The following TASOR variants were observed in gnomAD, a reference collection of about 807,000 sequenced individuals.
TASOR encodes the protein transcription activation suppressor.
Under a neutral mutation model 178.6 loss-of-function variants are expected in TASOR, and 53 were observed. The observed-to-expected ratio is 0.30, with a 90% CI of 0.24 to 0.37. The LOEUF is 0.37. Ranked by LOEUF, TASOR falls within the 10% of genes least tolerant of loss-of-function variation. TASOR has a pLI of 1.00. For synonymous variants in TASOR, 713 were observed against 696.2 expected, an observed-to-expected ratio of 1.02 and a Z score of -0.38; for missense variants, 1,815 against 1,971.4, an observed-to-expected ratio of 0.92 and a Z score of 1.50.
At chr3:56,644,674 T>C (rs1578225427) in intron 14 of TASOR, among the ~76,000 whole-genome samples, 1 of 146,130 alleles carries the variant, frequency 6.8e-6, no homozygotes, top group East Asian at 2.1e-4. Context: ...AAGAACATGA[T>C]ACTGAAACGG....
At position 56,627,141 on chromosome 3, in the gene TASOR, G is replaced by A. The variant is rs2076816256; in HGVS notation, c.4035C>T (p.Asn1345=). The change falls in exon 21 of 24, where the codon AAC becomes AAT. Residue 1345 remains asparagine (N), a synonymous_variant. Coordinates refer to ENST00000683822, the MANE Select transcript of TASOR (RefSeq NM_001365635.2). ...ILNPEVVTVE[N]LKNFLTFLEE... is the part of the protein sequence containing the mutation. ...CAAGGAATGTCAAAAAATTTTTAAG[G>A]TTCTCTGTTAGAGATAATGAAGTTT... The A allele has an allele frequency of 6.3e-7, 1 of 1,586,586 alleles. No homozygotes were observed. The highest frequency in any genetic ancestry group is 2.2e-5 in the East Asian group (1 of 44,660).
chr3:56,631,580 TTTTG>T (rs1490503702), intron 18 of TASOR, among the ~76,000 whole-genome samples: 2 of 117,354 alleles, frequency 1.7e-5, no homozygotes, highest in South Asian at 5.4e-4. Context: ...GTCTGTGTTT[TTTTG>T]TTTTTTTTTT....
rs551861827 is a variant in TASOR, at chr3:56,670,801, G to A, written c.571-656C>T. Reference sequence around the variant, plus strand: ...AAACGCAAAAAAATTAGCCGGGTGCGGTGGCGTGTCCTGTAATCCCAGCTA... The same window carrying A: ...AAACGCAAAAAAATTAGCCGGGTGCAGTGGCGTGTCCTGTAATCCCAGCTA... On this transcript the variant is annotated intron_variant, in intron 3 of 23. Transcript: ENST00000683822. Among the ~76,000 whole-genome samples, 14 of 151,628 alleles carry A rather than the reference G, an allele frequency of 9.2e-5. No homozygotes were observed. In the East Asian group the frequency reaches 1.2e-3, roughly 13 times the overall value.
In TASOR at chr3:56,627,642, C is replaced by T. The variant is rs1199257326; in HGVS notation, c.3970G>A (p.Val1324Ile). 8.7e-6 allele frequency: 14 copies of T among 1,613,872 alleles called. No homozygotes were observed. The highest frequency in any genetic ancestry group is 1.1e-5 in the Non-Finnish European group (13 of 1,179,914). ...VKNHTYNELF[V>I]SGGFIVSDES... ...TCAGATACGATAAAACCTCCAGATA[C>T]AAATAATTCATTGTATGTATGATTT... The change falls in exon 20 of 24, where the codon GTA becomes ATA. Residue 1324 changes from valine (V) to isoleucine (I), a missense_variant. Physicochemically the swap from Val to Ile is conservative, Grantham distance 29 (BLOSUM62 3). Transcript: ENST00000683822.
At chr3:56,643,830 T>C (rs1457878024) in intron 14 of TASOR, among the ~76,000 whole-genome samples, 1 of 150,812 alleles carries the variant, frequency 6.6e-6, no homozygotes, top group Non-Finnish European at 1.5e-5. Context: ...GTATGCAAAA[T>C]TACTTAAAAA....
At chr3:56,643,005 T>TA (rs2077159064) in intron 14 of TASOR, among the ~76,000 whole-genome samples, 1 of 150,532 alleles carries the variant, frequency 6.6e-6, no homozygotes. Flanking sequence ...GGCTCACGCC[T>TA]GTAATCTCAG....
In TASOR at chr3:56,668,389, G is replaced by A; in HGVS notation, c.897+8C>T. ...GATCACAACATTACAACGGATCCTGGAACCTACCTGAGTAAGCTCATAGGC... is the reference window on the plus strand; with the variant it reads ...GATCACAACATTACAACGGATCCTGAAACCTACCTGAGTAAGCTCATAGGC... On this transcript the variant is annotated splice_region_variant and intron_variant, in intron 6 of 23. Transcript: ENST00000683822. 1.0e-5 allele frequency: 16 copies of A among 1,550,206 alleles called. No homozygotes were observed. Among genetic ancestry groups the A allele is most frequent in the African/African-American group, 1.4e-5 (1 of 73,058 alleles).
intron 1 of TASOR, among the ~76,000 whole-genome samples, 194 bp from the exon 2 acceptor site, chr3:56,673,919 C>G (rs959946645): frequency 3.3e-5 from 5 of 152,004 alleles, no homozygotes; most frequent in African/African-American, 1.2e-4. Flanking sequence ...CTACATACAC[C>G]AGTTCCTTCA....
intron 14 of TASOR, among the ~76,000 whole-genome samples, chr3:56,644,413 T>C (rs75292261): frequency 0.012 from 1,878 of 151,932 alleles, 46 homozygotes; most frequent in African/African-American, 0.042. Flanking sequence ...TTAAGGAGAA[T>C]AGACAGAAAG....
At chr3:56,666,204 C>T (rs1298491263) in intron 7 of TASOR, 56 bp downstream of exon 7, 20 of 1,381,574 alleles carry the variant, frequency 1.4e-5, no homozygotes, top group East Asian at 2.8e-5. Flanking sequence ...CTCAGTAGTA[C>T]AGGATCTGTA....
At chr3:56,627,543 CAG>C in intron 20 of TASOR, 37 bp downstream of exon 20, 1 of 1,604,940 alleles carries the variant, frequency 6.2e-7, no homozygotes, top group Non-Finnish European at 8.5e-7. Context: ...GTATGAGAGT[CAG>C]AAGAGGAGTT....
Position 56,683,089 on chromosome 3 carries a change from C to T in TASOR, c.-83G>A. ...GGAAGGGGCGGCGGGCCAGTCTCGCCGCCGAGCTGCTCTCAGCCCACCCAC... is the reference window on the plus strand; with the variant it reads ...GGAAGGGGCGGCGGGCCAGTCTCGCTGCCGAGCTGCTCTCAGCCCACCCAC... On this transcript the variant is annotated 5_prime_UTR_variant, in exon 1 of 24. Transcript: ENST00000683822. 2 of 1,388,230 alleles carry T rather than the reference C, an allele frequency of 1.4e-6. No homozygotes were observed. The highest frequency in any genetic ancestry group is 1.5e-5 in the South Asian group (1 of 67,618). 86.0% of individuals were successfully genotyped at this position (1,388,230 alleles called of 1,614,324 possible). A position where few individuals can be genotyped will look rare whatever the true frequency, so the allele number is the denominator to read the frequency against.
In TASOR at chr3:56,633,209, G is replaced by C. The variant is rs2076951852; in HGVS notation, c.3582C>G (p.Pro1194=). 6.2e-7 allele frequency: 1 copy of C among 1,614,014 alleles called. No homozygotes were observed. Among genetic ancestry groups the C allele is most frequent in the South Asian group, 1.1e-5 (1 of 91,078 alleles). The change falls in exon 18 of 24, where the codon CCC becomes CCG. Residue 1194 remains proline, a synonymous_variant. Coordinates refer to ENST00000683822, the MANE Select transcript of TASOR (RefSeq NM_001365635.2). ...REPVEETTKS[P]SDVNISAQPA... is the part of the protein sequence containing the mutation. Reference sequence around the variant, plus strand: ...GTTGAGCAGAAATGTTTACATCACTGGGGGATTTTGTTGTTTCTTCTACTG... The same window carrying C: ...GTTGAGCAGAAATGTTTACATCACTCGGGGATTTTGTTGTTTCTTCTACTG...
rs71621834 is a variant in TASOR, at chr3:56,648,813, A to C, written c.1513+9T>G. 69,068 of 1,592,984 alleles carry C rather than the reference A, an allele frequency of 0.043. 1,743 individuals carry two copies. The highest frequency in any genetic ancestry group is 0.064 in the Middle Eastern group (368 of 5,730). ...TAAGTAACCAGATTTAGATATTCAA[A>C]GAACTTACAAGTAACTATGCTTCTA... On this transcript the variant is annotated intron_variant, in intron 13 of 23. Coordinates refer to ENST00000683822, the MANE Select transcript of TASOR (RefSeq NM_001365635.2).
At chr3:56,631,131 A>C (rs2076903525) in intron 18 of TASOR, among the ~76,000 whole-genome samples, 1 of 152,170 alleles carries the variant, frequency 6.6e-6, no homozygotes, top group Admixed American at 6.5e-5. Flanking sequence ...CAACCAAGGA[A>C]TTCCTAGAAG....
intron 18 of TASOR, among the ~76,000 whole-genome samples, chr3:56,631,100 C>T (rs1578194032): frequency 6.6e-6 from 1 of 152,254 alleles, no homozygotes; most frequent in Non-Finnish European, 1.5e-5. Context: ...ACTCTACATT[C>T]AGTCATGTAG....
At chr3:56,632,465 ACT>A (rs923801501) in intron 18 of TASOR, among the ~76,000 whole-genome samples, 20 of 123,770 alleles carry the variant, frequency 1.6e-4, no homozygotes, top group African/African-American at 3.3e-4. Context: ...ACAGAAGGAG[ACT>A]CTGTCTCAAA....
intron 6 of TASOR, among the ~76,000 whole-genome samples, chr3:56,667,557 T>C (rs2030174250): frequency 6.6e-6 from 1 of 152,120 alleles, no homozygotes; most frequent in African/African-American, 2.4e-5. Context: ...CTTGGGAGGC[T>C]GAGGCAGGAG....
intron 11 of TASOR, among the ~76,000 whole-genome samples, chr3:56,653,487 G>A (rs1269135772): frequency 6.0e-5 from 9 of 151,170 alleles, no homozygotes; most frequent in South Asian, 2.1e-4. Context: ...GCCAGGGGGC[G>A]GCAGGGGACC....
Sources: gnomAD v4.1 joint callset for allele counts (sites outside exome capture counted in the v4.1 genomes callset) on GRCh38, gnomAD v4.1.1 for gene constraint, MANE v1.5 for transcripts, NCBI Gene and HGNC (gene_info 2026-07-23, HGNC 2026-07-21) for gene names.